SLC4A4: variants seen among roughly 807,000 people sequenced by gnomAD.
SLC4A4 encodes solute carrier family 4 member 4, also known as electrogenic sodium bicarbonate cotransporter 1.
A neutral mutation model predicts 111.5 loss-of-function variants in SLC4A4; 27 were observed. The observed-to-expected ratio is 0.24, with a 90% CI of 0.18 to 0.33. The LOEUF (loss-of-function observed/expected upper bound fraction) is 0.33. Ranked by LOEUF, SLC4A4 falls within the 10% of genes least tolerant of loss-of-function variation. SLC4A4 has a pLI of 1.00. For synonymous variants in SLC4A4, 443 were observed against 463.4 expected, an observed-to-expected ratio of 0.96 and a Z score of 0.57; for missense variants, 909 against 1,315.5, an observed-to-expected ratio of 0.69 and a Z score of 4.78.
At chr4:71,557,667 G>A (rs750788187) in intron 21 of SLC4A4, 45 bp from the exon 22 acceptor site, 4 of 1,576,904 alleles carry the variant, frequency 2.5e-6, no homozygotes, top group Admixed American at 1.7e-5. Context: ...TAGTGGAAAT[G>A]TAATGCAGTA....
chr4:71,421,961 G>A (rs1722557128), intron 7 of SLC4A4, among the ~76,000 whole-genome samples: 1 of 152,086 alleles, frequency 6.6e-6, no homozygotes, highest in Non-Finnish European at 1.5e-5. Context: ...TCAAAAGCTA[G>A]CAGAAGGCAA....
At chr4:71,536,485 T>TATATATATAAAA (rs760037325) in intron 18 of SLC4A4, among the ~76,000 whole-genome samples, 27 of 84,030 alleles carry the variant, frequency 3.2e-4, no homozygotes, top group Non-Finnish European at 5.3e-4. Context: ...TATATATATA[T>TATATATATAAAA]ATGTATATAT....
At chr4:71,092,972 G>A (rs963740132) in intron 2 of SLC4A4, among the ~76,000 whole-genome samples, 16 of 151,988 alleles carry the variant, frequency 1.1e-4, no homozygotes, top group Non-Finnish European at 1.9e-4. Flanking sequence ...GCGTGCGCCT[G>A]TAGTCCCAGC....
At chr4:71,201,418 C>A (rs899134505) in intron 1 of SLC4A4, among the ~76,000 whole-genome samples, 4 of 152,140 alleles carry the variant, frequency 2.6e-5, no homozygotes. Context: ...TTGAGCTGAG[C>A]GTCATCAATG....
chr4:71,404,203 T>C (rs1306300242), intron 7 of SLC4A4, among the ~76,000 whole-genome samples: 3 of 152,206 alleles, frequency 2.0e-5, no homozygotes, highest in Non-Finnish European at 4.4e-5. Context: ...TTGTTATTAC[T>C]GTTGGCTAAC....
chr4:71,151,789 G>T (rs1289863572), intron 2 of SLC4A4, among the ~76,000 whole-genome samples: 2 of 151,074 alleles, frequency 1.3e-5, no homozygotes, highest in Non-Finnish European at 2.9e-5. Context: ...GGCCGGGCAC[G>T]GTGACTCATG....
At chr4:71,332,265 G>GT (rs1560416487) in intron 3 of SLC4A4, among the ~76,000 whole-genome samples, 1 of 151,888 alleles carries the variant, frequency 6.6e-6, no homozygotes, top group Middle Eastern at 3.4e-3. Context: ...GCATTGTTCG[G>GT]TTTTTTGTTT....
chr4:71,347,524 G>C (rs59596313), intron 4 of SLC4A4, among the ~76,000 whole-genome samples: 295 of 152,060 alleles, frequency 1.9e-3, no homozygotes, highest in African/African-American at 6.6e-3. Flanking sequence ...AGCTGTCTGG[G>C]GACTCTTTTA....
At chr4:71,066,649 G>T (rs1252113101) in intron 1 of SLC4A4, among the ~76,000 whole-genome samples, 3 of 152,124 alleles carry the variant, frequency 2.0e-5, no homozygotes, top group Non-Finnish European at 2.9e-5. Context: ...ATCAAATTGG[G>T]AATAATTGCT....
intron 7 of SLC4A4, among the ~76,000 whole-genome samples, chr4:71,434,786 A>C (rs896473819): frequency 7.2e-5 from 11 of 152,174 alleles, no homozygotes; most frequent in Non-Finnish European, 1.3e-4. Context: ...ATAGACAAAT[A>C]GAGAGCCAAA....
intron 16 of SLC4A4, among the ~76,000 whole-genome samples, chr4:71,504,731 C>G (rs1264808379): frequency 6.6e-6 from 1 of 151,038 alleles, no homozygotes; most frequent in Non-Finnish European, 1.5e-5. Flanking sequence ...TATCCAACCT[C>G]TATTCTAATT....
intron 3 of SLC4A4, among the ~76,000 whole-genome samples, chr4:71,311,900 A>C (rs1319406501): frequency 2.2e-4 from 32 of 148,262 alleles, no homozygotes; most frequent in African/African-American, 7.3e-4. Flanking sequence ...TGAGAGAGAG[A>C]GAGAGAGAGA....
At chr4:71,449,484 G>C (rs1474892681) in intron 9 of SLC4A4, among the ~76,000 whole-genome samples, 1 of 152,096 alleles carries the variant, frequency 6.6e-6, no homozygotes, top group African/African-American at 2.4e-5. Context: ...ATTATGTGCT[G>C]GCATTTTGTG....
intron 2 of SLC4A4, among the ~76,000 whole-genome samples, chr4:71,121,433 C>T (rs952127509): frequency 4.5e-4 from 68 of 152,344 alleles, no homozygotes; most frequent in Admixed American, 1.3e-3. Context: ...CAGCTGGGCT[C>T]CTCAGTGGGG....
chr4:71,118,020 G>A (rs1287578016), intron 2 of SLC4A4, among the ~76,000 whole-genome samples: 1 of 151,874 alleles, frequency 6.6e-6, no homozygotes, highest in East Asian at 1.9e-4. Context: ...GGGATTACAG[G>A]CATGCGCCAC....
intron 1 of SLC4A4, among the ~76,000 whole-genome samples, chr4:71,214,025 A>T (rs1718282236): frequency 6.6e-6 from 1 of 152,166 alleles, no homozygotes; most frequent in Non-Finnish European, 1.5e-5. Context: ...CTCCCTTGCA[A>T]TATTTTTATG....
At chr4:71,489,965 A>C (rs1368096359) in intron 15 of SLC4A4, among the ~76,000 whole-genome samples, 1 of 151,792 alleles carries the variant, frequency 6.6e-6, no homozygotes, top group African/African-American at 2.4e-5. Flanking sequence ...GAGGGGTATT[A>C]GAGCATTTAA....
chr4:71,359,913 A>G (rs1244695668), intron 6 of SLC4A4, among the ~76,000 whole-genome samples: 2 of 152,202 alleles, frequency 1.3e-5, no homozygotes, highest in Non-Finnish European at 2.9e-5. Context: ...AATGTAATAA[A>G]TAACTGAAAT....
intron 3 of SLC4A4, among the ~76,000 whole-genome samples, chr4:71,335,591 C>T (rs1326173301): frequency 2.0e-5 from 3 of 152,192 alleles, no homozygotes; most frequent in Non-Finnish European, 2.9e-5. Context: ...TTTGGAGGGC[C>T]GAGGAGCGGG....
Sources: allele counts gnomAD v4.1 joint callset (sites outside exome capture counted in the v4.1 genomes callset), GRCh38; gene constraint gnomAD v4.1.1; transcripts MANE v1.5; gene names NCBI Gene and HGNC (gene_info 2026-07-23, HGNC 2026-07-21).